Variants in ARL17B observed in about 807,000 individuals in gnomAD.
ARL17B encodes ARF like GTPase 17B, also known as ADP-ribosylation factor-like protein 17.
At chr17:46,289,343 A>AC (rs1283451911) in intron 4 of ARL17B, among the ~76,000 whole-genome samples, 1 of 151,492 alleles carries the variant, frequency 6.6e-6, no homozygotes, top group East Asian at 1.9e-4. Flanking sequence ...ATGCCCAGCT[A>AC]CTTTTTTTTT....
intron 4 of ARL17B, among the ~76,000 whole-genome samples, chr17:46,279,265 C>A (rs1187149488): frequency 5.3e-5 from 8 of 150,334 alleles, no homozygotes; most frequent in Non-Finnish European, 1.2e-4. Context: ...CTCACTGCAA[C>A]CTCCACGTCT....
intron 3 of ARL17B, among the ~76,000 whole-genome samples, chr17:46,340,167 G>C (rs2052471239): frequency 9.7e-6 from 1 of 103,036 alleles, no homozygotes; most frequent in Non-Finnish European, 2.4e-5. Context: ...AAGGCTGCCA[G>C]AGAAAAGGTA....
intron 4 of ARL17B, among the ~76,000 whole-genome samples, chr17:46,283,012 G>A (rs1255979596): frequency 3.9e-5 from 6 of 152,084 alleles, no homozygotes; most frequent in Admixed American, 1.3e-4. Flanking sequence ...CCAACTACGC[G>A]GGAGGCTGAG....
chr17:46,275,500 A>C (rs1367597674), intron 4 of ARL17B: 1 of 635,096 alleles, frequency 1.6e-6, no homozygotes, highest in Non-Finnish European at 2.8e-6. Flanking sequence ...AAGTAAATAA[A>C]TCTGGAAGAA....
intron 4 of ARL17B, among the ~76,000 whole-genome samples, chr17:46,290,616 T>A (rs1252846558): frequency 2.0e-5 from 3 of 151,996 alleles, no homozygotes; most frequent in African/African-American, 7.3e-5. Context: ...CTGGCTAATT[T>A]TTGCATTTTT....
At chr17:46,285,422 A>T (rs2049879795) in intron 4 of ARL17B, among the ~76,000 whole-genome samples, 2 of 151,800 alleles carry the variant, frequency 1.3e-5, no homozygotes. Flanking sequence ...TTGTATTTTT[A>T]GTAGAGACGG....
chr17:46,327,966 T>C (rs1414979437), intron 3 of ARL17B, among the ~76,000 whole-genome samples: 3 of 66,642 alleles, frequency 4.5e-5, no homozygotes, highest in African/African-American at 1.0e-4. Flanking sequence ...GCAATCCAGG[T>C]TAAACTATTT....
At chr17:46,279,225 C>T (rs1282810592) in intron 4 of ARL17B, among the ~76,000 whole-genome samples, 2 of 149,722 alleles carry the variant, frequency 1.3e-5, no homozygotes, top group African/African-American at 2.5e-5. Flanking sequence ...GCTCTGTCGC[C>T]TAGGCTGGAG....
At chr17:46,276,790 C>CTTTTTT (rs75549659) in intron 4 of ARL17B, among the ~76,000 whole-genome samples, 2 of 134,320 alleles carry the variant, frequency 1.5e-5, no homozygotes, top group African/African-American at 2.8e-5. Context: ...TTCTTTTTTT[C>CTTTTTT]TTTTTTTTTT....
chr17:46,290,139 T>A (rs1273189823), intron 4 of ARL17B, among the ~76,000 whole-genome samples: 2 of 152,126 alleles, frequency 1.3e-5, no homozygotes, highest in Non-Finnish European at 2.9e-5. Context: ...AAAACAAAAC[T>A]TTTTTTTGGA....
chr17:46,290,768 A>G (rs2050045349), intron 4 of ARL17B, among the ~76,000 whole-genome samples: 1 of 152,260 alleles, frequency 6.6e-6, no homozygotes, highest in South Asian at 2.1e-4. Flanking sequence ...AGTTTTATAG[A>G]TTCTAAAGCA....
At chr17:46,333,067 GGA>G (rs1282644857), downstream of ARL17B, among the ~76,000 whole-genome samples, 2 of 125,042 alleles carry the variant, frequency 1.6e-5, no homozygotes, top group African/African-American at 5.5e-5. Flanking sequence ...TGGAGAGGAA[GGA>G]GAGAGCCAAA....
chr17:46,275,464 GA>G, intron 4 of ARL17B: 1 of 782,978 alleles, frequency 1.3e-6, no homozygotes. Context: ...TTTCATTTTT[GA>G]AAATGATGCT....
chr17:46,279,175 CTT>C (rs375830178), intron 4 of ARL17B, among the ~76,000 whole-genome samples: 1 of 147,784 alleles, frequency 6.8e-6, no homozygotes, highest in Non-Finnish European at 1.5e-5. Flanking sequence ...ATAAGGCATT[CTT>C]TTTTTTCTTT....
downstream of ARL17B, among the ~76,000 whole-genome samples, chr17:46,298,745 ATGAT>A (rs2050247632): frequency 1.0e-5 from 1 of 99,544 alleles, no homozygotes; most frequent in African/African-American, 3.5e-5. Context: ...AAAAAAAAAA[ATGAT>A]AGGAGGGAAG....
intron 3 of ARL17B, chr17:46,302,558 T>C (rs2050389259): frequency 6.8e-6 from 1 of 147,500 alleles, no homozygotes; most frequent in Non-Finnish European, 1.6e-5. Context: ...CCAGCTTTCC[T>C]CCACATGCAG....
At position 46,285,424 on chromosome 17, in the gene ARL17B, T is replaced by G. The variant is rs139522964; in HGVS notation, c.*22-10006A>C. On this transcript the variant is annotated intron_variant, in intron 4 of 4. Coordinates refer to the ARL17B transcript ENST00000570618. ...CCCGACTAGTTTTTTGTATTTTTAG[T>G]AGAGACGGGGTTTCACCATGTTGGC... Among the ~76,000 whole-genome samples, 930 of 152,146 alleles carry G rather than the reference T, an allele frequency of 6.1e-3. 10 individuals carry two copies. The highest frequency in any genetic ancestry group is 0.018 in the African/African-American group (763 of 41,474).
chr17:46,324,165 G>A (rs2051577266), intron 3 of ARL17B, among the ~76,000 whole-genome samples: 1 of 113,932 alleles, frequency 8.8e-6, no homozygotes, highest in Non-Finnish European at 1.9e-5. Flanking sequence ...CAGCTACTCA[G>A]GAGGCTGAGG....
chr17:46,291,564 C>T (rs1189911981), intron 4 of ARL17B, among the ~76,000 whole-genome samples: 1 of 151,438 alleles, frequency 6.6e-6, no homozygotes, highest in Non-Finnish European at 1.5e-5. Context: ...AAACAACACT[C>T]CTCTCACTCA....
Sources: gnomAD v4.1 joint callset for allele counts (sites outside exome capture counted in the v4.1 genomes callset) on GRCh38, gnomAD v4.1.1 for gene constraint, MANE v1.5 for transcripts, NCBI Gene and HGNC (gene_info 2026-07-23, HGNC 2026-07-21) for gene names.